Variants in PRSS55 observed in about 807,000 individuals in gnomAD.
PRSS55 encodes the protein serine protease 55.
Under a neutral mutation model 23.6 loss-of-function variants are expected in PRSS55, and 41 were observed. The ratio of observed to expected loss-of-function variants is 1.74; its 90% CI spans 1.35 to 2.26. The LOEUF (loss-of-function observed/expected upper bound fraction) is 2.26. Among genes scored for constraint, PRSS55 ranks in the 30% most tolerant of loss-of-function variants. The probability of loss-of-function intolerance (pLI) is 0.00; values close to 1 mark genes in which losing one functional copy is unlikely to be tolerated. For missense variants in PRSS55, 669 were observed against 439.1 expected (o/e 1.52, Z -4.68); for synonymous variants, 262 against 175.5 (o/e 1.49, Z -3.90).
At position 10,529,685 on chromosome 8, in the gene PRSS55, T is replaced by A. The variant is rs768084628; in HGVS notation, c.333T>A (p.Tyr111Ter). Residue 111 changes from tyrosine to a stop codon, truncating the protein, a stop_gained, in exon 2 of 5, where the codon TAT becomes TAA. Transcript: ENST00000328655. LOFTEE classifies it high-confidence loss of function. ...WWILTAAHCL[Y>*]SEELFPEELS... is the part of the protein sequence containing the mutation. Reference sequence around the variant, plus strand: ...TTCTCACTGCGGCTCACTGCTTATATTCCGAGGAGCTGTTGTAAGTACCAT... The same window carrying A: ...TTCTCACTGCGGCTCACTGCTTATAATCCGAGGAGCTGTTGTAAGTACCAT... The A allele has an allele frequency of 8.1e-6, 13 of 1,613,826 alleles. No individual in the cohort carries two copies. Among genetic ancestry groups the A allele is most frequent in the Non-Finnish European group, 1.0e-5 (12 of 1,179,736 alleles).
rs1407837010 is a variant in PRSS55, at chr8:10,531,438, C to T, written c.491C>T (p.Ser164Leu). Reference sequence around the variant, plus strand: ...GACATTGCCTTGCTGCTGCTGGCTTCGCCCATCAAGCTCGATGACCTGAAG... The same window carrying T: ...GACATTGCCTTGCTGCTGCTGGCTTTGCCCATCAAGCTCGATGACCTGAAG... ...DNDIALLLLASPIKLDDLKVP... is the reference protein window; with the variant it reads ...DNDIALLLLALPIKLDDLKVP... Residue 164 changes from serine (S) to leucine (L), a missense_variant, in exon 3 of 5, where the codon TCG becomes TTG. Physicochemically the swap from Ser to Leu is moderately radical, Grantham distance 145 (BLOSUM62 -2). Transcript: ENST00000328655. The T allele has an allele frequency of 3.7e-6, 6 of 1,614,212 alleles. No homozygotes were observed. In the South Asian group the frequency reaches 4.4e-5, roughly 12 times the overall value.
At chr8:10,531,807 C>T in intron 3 of PRSS55, 2 of 495,126 alleles carry the variant, frequency 4.0e-6, no homozygotes, top group Non-Finnish European at 7.2e-6. Context: ...TTAAACTCTG[C>T]AGTTAGCCAG....
rs150536591 is a variant in PRSS55 at position 10,536,957 on chromosome 8, C to A, written c.742-1519C>A. Among the ~76,000 whole-genome samples, 50 of 152,282 alleles carry A rather than the reference C, an allele frequency of 3.3e-4. No homozygotes were observed. In the East Asian group the frequency reaches 9.1e-3, roughly 28 times the overall value. On this transcript the variant is annotated intron_variant, in intron 4 of 4. Transcript: ENST00000328655. ...CCTGGGTGATTAAATCATTTGTACA[C>A]CAAACCCCAGTGGCATGCAATTTAC...
At position 10,531,520 on chromosome 8, in the gene PRSS55, G is replaced by A. The variant is rs1812265582; in HGVS notation, c.573G>A (p.Val191=). The change falls in exon 3 of 5, where the codon GTG becomes GTA. Residue 191 remains valine, a synonymous_variant. Coordinates refer to ENST00000328655, the MANE Select transcript of PRSS55 (RefSeq NM_198464.4). Reference sequence around the variant, plus strand: ...CTGCCACATGGCGCGAATGCTGGGTGGCAGGTTGGGGCCAGACCAATGCTG... The same window carrying A: ...CTGCCACATGGCGCGAATGCTGGGTAGCAGGTTGGGGCCAGACCAATGCTG... ...PGPATWRECW[V]AGWGQTNAAD... 6.2e-7 allele frequency: 1 copy of A among 1,613,750 alleles called. No individual in the cohort carries two copies. Among genetic ancestry groups the A allele is most frequent in the Non-Finnish European group, 8.5e-7 (1 of 1,180,052 alleles).
intron 4 of PRSS55, chr8:10,547,610 C>G (rs1263738642): frequency 6.6e-6 from 1 of 152,442 alleles, no homozygotes; most frequent in Admixed American, 6.5e-5. Flanking sequence ...CAGGCACTAC[C>G]CAGGCTCGAA....
At chr8:10,531,257 C>T in intron 2 of PRSS55, 38 bp from the exon 3 acceptor site, 1 of 1,608,794 alleles carries the variant, frequency 6.2e-7, no homozygotes, top group Non-Finnish European at 8.5e-7. Context: ...GACTTCCCTT[C>T]CCCTTCCACT....
At chr8:10,536,982 C>T (rs984092959) in intron 4 of PRSS55, among the ~76,000 whole-genome samples, 1 of 152,138 alleles carries the variant, frequency 6.6e-6, no homozygotes, top group African/African-American at 2.4e-5. Flanking sequence ...ATGCAATTTA[C>T]TCACATAACA....
At chr8:10,542,126 G>A (rs546404388), downstream of PRSS55, among the ~76,000 whole-genome samples, 1 of 152,196 alleles carries the variant, frequency 6.6e-6, no homozygotes, top group Non-Finnish European at 1.5e-5. Flanking sequence ...GAAATTGTCA[G>A]TTTAAACATT....
chr8:10,533,046 A>C lies in PRSS55; in HGVS notation c.739A>C (p.Lys247Gln), dbSNP rs1812329020. The C allele has an allele frequency of 6.2e-7, 1 of 1,614,218 alleles. No homozygotes were observed. Among genetic ancestry groups the C allele is most frequent in the Non-Finnish European group, 8.5e-7 (1 of 1,180,024 alleles). Residue 247 changes from lysine (K) to glutamine (Q), a missense_variant and splice_region_variant, in exon 4 of 5, where the codon AAG (lysine) becomes CAG (glutamine). Transcript: ENST00000328655. ...CAAGAATGAGAGCTATGATGCCTGC[A>C]AGGTAACTAGGGGGTACCCTCCCTC... ...GYKNESYDACKGDSGGPLVCT... is the reference protein window; with the variant it reads ...GYKNESYDACQGDSGGPLVCT...
chr8:10,547,984 G>A (rs908816292), intron 4 of PRSS55, among the ~76,000 whole-genome samples: 4 of 152,066 alleles, frequency 2.6e-5, no homozygotes, highest in African/African-American at 9.7e-5. Context: ...GGGCGGAGGA[G>A]GGACTCCTTC....
chr8:10,531,359 G>A lies in PRSS55; in HGVS notation c.412G>A (p.Glu138Lys). The A allele has an allele frequency of 6.2e-7, 1 of 1,614,162 alleles. No individual in the cohort carries two copies. Among genetic ancestry groups the A allele is most frequent in the African/African-American group, 1.3e-5 (1 of 75,062 alleles). The change falls in exon 3 of 5, where the codon GAG (glutamate) becomes AAG (lysine). Residue 138 changes from glutamate (E) to lysine (K), a missense_variant. By Grantham distance (56) the Glu-to-Lys change is moderately conservative. Coordinates refer to ENST00000328655, the MANE Select transcript of PRSS55 (RefSeq NM_198464.4). ...AACTAGCCCATCCATGGAAATAAAG[G>A]AGGTCGCCAGCATCATTCTTCACAA... is the stretch of plus-strand genomic sequence containing the variant. ...DLTSPSMEIKEVASIILHKDF... is the reference protein window; with the variant it reads ...DLTSPSMEIKKVASIILHKDF...
At chr8:10,553,313 C>T (rs188009521) in intron 4 of PRSS55, among the ~76,000 whole-genome samples, 1 of 152,304 alleles carries the variant, frequency 6.6e-6, no homozygotes, top group East Asian at 1.9e-4. Flanking sequence ...GTTAATTAAA[C>T]CTCTTTTTTT....
chr8:10,533,237 G>A (rs1812335413), intron 4 of PRSS55, among the ~76,000 whole-genome samples, 189 bp downstream of exon 4: 1 of 152,198 alleles, frequency 6.6e-6, no homozygotes, highest in Non-Finnish European at 1.5e-5. Flanking sequence ...AGCACCCTGG[G>A]AGTCAATATG....
chr8:10,550,469 T>C (rs1409377068), intron 4 of PRSS55, among the ~76,000 whole-genome samples: 2 of 152,206 alleles, frequency 1.3e-5, no homozygotes, highest in East Asian at 3.9e-4. Flanking sequence ...TGCTGTGCCT[T>C]AAACAACAAG....
At chr8:10,535,709 A>G (rs982985972) in intron 4 of PRSS55, among the ~76,000 whole-genome samples, 2 of 152,238 alleles carry the variant, frequency 1.3e-5, no homozygotes, top group Non-Finnish European at 2.9e-5. Flanking sequence ...AACAAAATAA[A>G]ACGTTGGCCC....
chr8:10,550,633 C>A (rs933526635), intron 4 of PRSS55, among the ~76,000 whole-genome samples: 1 of 152,288 alleles, frequency 6.6e-6, no homozygotes, highest in Non-Finnish European at 1.5e-5. Flanking sequence ...TGAAGTTTCC[C>A]AACCAGCCTT....
rs766897353 is a variant in PRSS55, at chr8:10,551,056, T to G, written c.742-2887T>G. Among the ~76,000 whole-genome samples, 12 of 152,354 alleles carry G rather than the reference T, an allele frequency of 7.9e-5. No homozygotes were observed. In the East Asian group the frequency reaches 1.7e-3, roughly 22 times the overall value. ...CCTTCTCTTACTATCTTCTTATTCA[T>G]AGCATACTCAGAAGGTCCTGCAAGT... On this transcript the variant is annotated intron_variant, in intron 4 of 4. Transcript: ENST00000522210.
chr8:10,532,630 G>A (rs867704914), intron 3 of PRSS55, among the ~76,000 whole-genome samples: 1 of 152,358 alleles, frequency 6.6e-6, no homozygotes, highest in Middle Eastern at 3.4e-3. Context: ...CCAAGAAGCT[G>A]AGTCTGTGGG....
chr8:10,536,889 A>G (rs945714246), intron 4 of PRSS55, among the ~76,000 whole-genome samples: 19 of 152,188 alleles, frequency 1.2e-4, no homozygotes, highest in South Asian at 4.1e-4. Context: ...GAAGAGGGTA[A>G]GTAAGGTAGT....
Sources: gnomAD v4.1 joint callset for allele counts (sites outside exome capture counted in the v4.1 genomes callset) on GRCh38, gnomAD v4.1.1 for gene constraint, MANE v1.5 for transcripts, NCBI Gene and HGNC (gene_info 2026-07-23, HGNC 2026-07-21) for gene names.